The following SYT16 variants were observed in gnomAD, a reference collection of about 807,000 sequenced individuals.
SYT16 encodes the protein synaptotagmin-16.
A neutral mutation model predicts 61.4 loss-of-function variants in SYT16; 42 were observed. The ratio of observed to expected loss-of-function variants is 0.68; its 90% CI spans 0.53 to 0.89. The LOEUF (loss-of-function observed/expected upper bound fraction) is 0.89, where lower values mean the gene tolerates loss of function less well. SYT16 is among the 40% of genes least tolerant of loss of function. The pLI is 0.00. For missense variants in SYT16, 804 were observed against 807.3 expected (o/e 1.00, Z 0.05); for synonymous variants, 314 against 302.3 (o/e 1.04, Z -0.40).
intron 3 of SYT16, among the ~76,000 whole-genome samples, chr14:62,025,984 C>A (rs948418698): frequency 9.2e-5 from 14 of 151,902 alleles, no homozygotes; most frequent in African/African-American, 3.4e-4. Flanking sequence ...TTGAGGTAAA[C>A]CTTATTTGGT....
chr14:61,946,113 A>T (rs1425601479), intron 1 of SYT16, among the ~76,000 whole-genome samples: 7 of 152,164 alleles, frequency 4.6e-5, no homozygotes, highest in African/African-American at 1.2e-4. Context: ...AATGTAGATG[A>T]CAGGTTGCTG....
chr14:61,999,028 G>A (rs149376572), intron 3 of SYT16, among the ~76,000 whole-genome samples: 9 of 151,792 alleles, frequency 5.9e-5, no homozygotes, highest in African/African-American at 1.9e-4. Flanking sequence ...TTCTTTTAAT[G>A]TATTACTGGA....
intron 3 of SYT16, among the ~76,000 whole-genome samples, chr14:62,039,745 T>C (rs1166664945): frequency 6.6e-6 from 1 of 151,862 alleles, no homozygotes; most frequent in Non-Finnish European, 1.5e-5. Context: ...ATCTCTGAAC[T>C]CTCACCTCTA....
chr14:62,011,867 CTATATA>C (rs66974255), intron 3 of SYT16, among the ~76,000 whole-genome samples: 7 of 61,554 alleles, frequency 1.1e-4, no homozygotes, highest in Non-Finnish European at 1.7e-4. Context: ...TCAGGGAACA[CTATATA>C]TACACACACA....
At chr14:61,877,839 G>A (rs2047553322) in intron 1 of SYT16, among the ~76,000 whole-genome samples, 1 of 152,200 alleles carries the variant, frequency 6.6e-6, no homozygotes. Flanking sequence ...TAGTTGGGTG[G>A]AAACATGCTG....
chr14:61,838,348 A>G (rs943684384), intron 1 of SYT16, among the ~76,000 whole-genome samples: 1 of 152,204 alleles, frequency 6.6e-6, no homozygotes, highest in Admixed American at 6.5e-5. Flanking sequence ...TGGCTCCGTC[A>G]TGACCACTGC....
At chr14:61,992,669 G>T (rs1372373982) in intron 2 of SYT16, among the ~76,000 whole-genome samples, 1 of 151,982 alleles carries the variant, frequency 6.6e-6, no homozygotes, top group South Asian at 2.1e-4. Flanking sequence ...TTCTCCTCTT[G>T]TATGCCACAG....
chr14:61,821,397 A>C (rs1042570834), intron 1 of SYT16, among the ~76,000 whole-genome samples: 2 of 152,188 alleles, frequency 1.3e-5, no homozygotes, highest in Non-Finnish European at 2.9e-5. Flanking sequence ...TTAAAAAAAC[A>C]CTTATCTGTC....
In SYT16 at chr14:61,884,567, C is replaced by T. The variant is rs181594138; in HGVS notation, c.-325+71757C>T. Reference sequence around the variant, plus strand: ...AGTTGCCACTTGCAAGAAAGCCTGACCAGTTGAAGGACAAAGTTGAAAAGT... The same window carrying T: ...AGTTGCCACTTGCAAGAAAGCCTGATCAGTTGAAGGACAAAGTTGAAAAGT... On this transcript the variant is annotated intron_variant, in intron 1 of 7. Transcript: ENST00000683842. Among the ~76,000 whole-genome samples, 14 of 152,276 alleles carry T rather than the reference C, an allele frequency of 9.2e-5. No homozygotes were observed. In the East Asian group the frequency reaches 2.5e-3, roughly 27 times the overall value.
intron 3 of SYT16, among the ~76,000 whole-genome samples, chr14:62,062,416 C>CAA (rs2055865312): frequency 6.6e-6 from 1 of 152,134 alleles, no homozygotes; most frequent in Non-Finnish European, 1.5e-5. Flanking sequence ...CATATTAAAA[C>CAA]AAAATAGCCC....
At chr14:62,054,491 G>A (rs1566802782) in intron 3 of SYT16, among the ~76,000 whole-genome samples, 1 of 151,680 alleles carries the variant, frequency 6.6e-6, no homozygotes, top group Non-Finnish European at 1.5e-5. Flanking sequence ...CTGACTAGTA[G>A]CTGGGACTAC....
intron 2 of SYT16, among the ~76,000 whole-genome samples, chr14:61,975,367 T>A (rs1263295081): frequency 6.6e-6 from 1 of 152,168 alleles, no homozygotes; most frequent in African/African-American, 2.4e-5. Context: ...AAGATCTTAA[T>A]TGCCTCATGT....
rs750341975 is a variant in SYT16 at position 62,100,513 on chromosome 14, G to A, written c.1744G>A (p.Ala582Thr). The A allele has an allele frequency of 1.2e-6, 2 of 1,613,722 alleles. No homozygotes were observed. Among genetic ancestry groups the A allele is most frequent in the Non-Finnish European group, 1.7e-6 (2 of 1,179,812 alleles). The change falls in exon 8 of 8, where the codon GCC (alanine) becomes ACC (threonine). Residue 582 changes from alanine (A) to threonine (T), a missense_variant. Transcript: ENST00000683842. ...VYKETFVFQV[A>T]LFQLSDVTLM... ...TAAGGAGACCTTTGTTTTCCAGGTG[G>A]CCCTCTTTCAGCTGTCTGATGTCAC...
chr14:61,846,725 C>G (rs1165821663), intron 1 of SYT16, among the ~76,000 whole-genome samples: 2 of 151,978 alleles, frequency 1.3e-5, no homozygotes, highest in African/African-American at 4.8e-5. Flanking sequence ...ATGGTCTTCT[C>G]TTCCTTCTTT....
chr14:61,857,486 C>G (rs1028358022), intron 1 of SYT16, among the ~76,000 whole-genome samples: 2 of 152,132 alleles, frequency 1.3e-5, no homozygotes, highest in African/African-American at 4.8e-5. Flanking sequence ...CCAGAGTTTA[C>G]AAAGTGAGTT....
intron 1 of SYT16, among the ~76,000 whole-genome samples, chr14:61,906,787 G>GTCCATCCATCCATCCATCCATCCATCCA (rs60022651): frequency 7.0e-6 from 1 of 142,316 alleles, no homozygotes. Flanking sequence ...CCGTCCGTCC[G>GTCCATCCATCCATCCATCCATCCATCCA]TCCATCCATC....
At chr14:61,847,015 T>C (rs951139968) in intron 1 of SYT16, among the ~76,000 whole-genome samples, 2 of 152,198 alleles carry the variant, frequency 1.3e-5, no homozygotes, top group Admixed American at 1.3e-4. Flanking sequence ...CTGTACTGTC[T>C]ACATTTTGAA....
At chr14:62,092,408 G>T (rs1355329245) in intron 7 of SYT16, among the ~76,000 whole-genome samples, 1 of 151,994 alleles carries the variant, frequency 6.6e-6, no homozygotes, top group African/African-American at 2.4e-5. Context: ...TGAAAGCAGG[G>T]TCTTGAGAAA....
chr14:62,043,407 CTTTT>C (rs1203186408), intron 3 of SYT16, among the ~76,000 whole-genome samples: 3 of 122,546 alleles, frequency 2.4e-5, no homozygotes, highest in Admixed American at 8.8e-5. Context: ...ATTTTTCTTT[CTTTT>C]TTTTTTTTTT....
Sources: gnomAD v4.1 joint callset for allele counts (sites outside exome capture counted in the v4.1 genomes callset) on GRCh38, gnomAD v4.1.1 for gene constraint, MANE v1.5 for transcripts, NCBI Gene and HGNC (gene_info 2026-07-23, HGNC 2026-07-21) for gene names.